Variants in CHCHD6 observed in about 807,000 individuals in gnomAD.
The protein encoded by CHCHD6 is MICOS complex subunit MIC25.
In CHCHD6, 28 loss-of-function variants were observed where a neutral mutation model predicts 32.3. The ratio of observed to expected loss-of-function variants is 0.87; its 90% confidence interval spans 0.64 to 1.19. The LOEUF (loss-of-function observed/expected upper bound fraction) is 1.19. CHCHD6 is among the 50% of genes most tolerant of loss of function. The probability of loss-of-function intolerance (pLI) is 0.00; values close to 1 mark genes in which losing one functional copy is unlikely to be tolerated. For missense variants in CHCHD6, 333 were observed against 307.0 expected (o/e 1.08, Z -0.63); for synonymous variants, 122 against 117.5 (o/e 1.04, Z -0.25).
At chr3:126,724,567 G>A (rs866679380) in intron 1 of CHCHD6, among the ~76,000 whole-genome samples, 1 of 152,188 alleles carries the variant, frequency 6.6e-6, no homozygotes, top group South Asian at 2.1e-4. Context: ...ATGGTGGTTG[G>A]CTGTGGCAGT....
intron 4 of CHCHD6, among the ~76,000 whole-genome samples, chr3:126,735,289 C>T (rs1017326205): frequency 2.0e-5 from 3 of 152,170 alleles, no homozygotes; most frequent in African/African-American, 4.8e-5. Flanking sequence ...GGAGATTGAG[C>T]GCCGCTTTCT....
chr3:126,741,340 G>T (rs1479586064), intron 4 of CHCHD6, among the ~76,000 whole-genome samples: 1 of 119,866 alleles, frequency 8.3e-6, no homozygotes, highest in Non-Finnish European at 1.7e-5. Context: ...ACAAATCAGT[G>T]ATTTTTTTTT....
intron 4 of CHCHD6, among the ~76,000 whole-genome samples, chr3:126,771,125 G>T (rs1029154257): frequency 2.6e-5 from 4 of 151,556 alleles, no homozygotes; most frequent in Admixed American, 2.0e-4. Flanking sequence ...AGAGTTGTTC[G>T]TAGTAGTCTC....
At chr3:126,824,919 G>A (rs555259105) in intron 4 of CHCHD6, among the ~76,000 whole-genome samples, 1 of 152,166 alleles carries the variant, frequency 6.6e-6, no homozygotes, top group South Asian at 2.1e-4. Flanking sequence ...TATTTTCTAT[G>A]TCATTGATTT....
intron 3 of CHCHD6, among the ~76,000 whole-genome samples, chr3:126,731,358 A>G (rs1176535181): frequency 6.6e-6 from 1 of 152,170 alleles, no homozygotes; most frequent in African/African-American, 2.4e-5. Context: ...GAGAAGTTTT[A>G]GCAAAGTGGT....
intron 5 of CHCHD6, among the ~76,000 whole-genome samples, chr3:126,877,502 C>T (rs1175198822): frequency 1.3e-5 from 2 of 151,844 alleles, no homozygotes; most frequent in East Asian, 3.9e-4. Context: ...TTGCAGTGAG[C>T]CGAGATTGTG....
At chr3:126,949,799 TATC>T (rs1208479218) in intron 6 of CHCHD6, 1 of 163,302 alleles carries the variant, frequency 6.1e-6, no homozygotes, top group African/African-American at 2.4e-5. Flanking sequence ...CACACAGAAT[TATC>T]ATGGATGGAA....
chr3:126,839,720 C>CT (rs940205481), intron 4 of CHCHD6, among the ~76,000 whole-genome samples: 6 of 151,890 alleles, frequency 4.0e-5, no homozygotes, highest in African/African-American at 9.7e-5. Context: ...CCACCTCAGG[C>CT]TTTTTTTTCT....
At chr3:126,826,583 G>T (rs1940401652) in intron 4 of CHCHD6, among the ~76,000 whole-genome samples, 1 of 152,070 alleles carries the variant, frequency 6.6e-6, no homozygotes, top group Admixed American at 6.5e-5. Context: ...TTATATAATT[G>T]TGTCCTTGTA....
intron 1 of CHCHD6, among the ~76,000 whole-genome samples, chr3:126,713,246 G>T (rs1934844194): frequency 1.3e-5 from 2 of 152,132 alleles, no homozygotes; most frequent in Non-Finnish European, 2.9e-5. Context: ...AAAAGGAGTT[G>T]CCCGGGGAAA....
At chr3:126,853,958 G>A (rs943250458) in intron 5 of CHCHD6, among the ~76,000 whole-genome samples, 3 of 152,180 alleles carry the variant, frequency 2.0e-5, no homozygotes, top group Non-Finnish European at 4.4e-5. Flanking sequence ...TTTTATTTGT[G>A]CAATTCTTTG....
intron 6 of CHCHD6, among the ~76,000 whole-genome samples, chr3:126,920,535 A>T (rs1304867599): frequency 1.3e-5 from 2 of 151,590 alleles, no homozygotes; most frequent in East Asian, 1.9e-4. Context: ...TGAAAATTCC[A>T]CTCTTTCAGT....
chr3:126,811,017 T>C (rs1939632568), intron 4 of CHCHD6, among the ~76,000 whole-genome samples: 1 of 152,170 alleles, frequency 6.6e-6, no homozygotes, highest in African/African-American at 2.4e-5. Flanking sequence ...GCAGATGGGA[T>C]GTGTCTGTAA....
At chr3:126,841,734 G>A (rs901922350) in intron 4 of CHCHD6, among the ~76,000 whole-genome samples, 2 of 150,778 alleles carry the variant, frequency 1.3e-5, no homozygotes, top group African/African-American at 4.9e-5. Context: ...GGGAGACCCC[G>A]TCTTTCCAAA....
intron 4 of CHCHD6, among the ~76,000 whole-genome samples, chr3:126,802,329 G>A (rs1427713137): frequency 1.3e-5 from 2 of 152,290 alleles, no homozygotes; most frequent in South Asian, 2.1e-4. Flanking sequence ...AAATTTAGAC[G>A]AATGTATAAC....
chr3:126,943,721 T>TTTGCAA (rs2078595572), intron 6 of CHCHD6, among the ~76,000 whole-genome samples: 1 of 152,118 alleles, frequency 6.6e-6, no homozygotes, highest in Non-Finnish European at 1.5e-5. Context: ...AGAGCTCTTC[T>TTTGCAA]TTGCAATACT....
intron 4 of CHCHD6, among the ~76,000 whole-genome samples, chr3:126,824,357 T>C (rs1032352334): frequency 3.3e-5 from 5 of 150,640 alleles, no homozygotes; most frequent in Non-Finnish European, 5.9e-5. Flanking sequence ...AAGTCGGGAG[T>C]TCGAGACCAG....
At chr3:126,866,337 G>A (rs1044033834) in intron 5 of CHCHD6, among the ~76,000 whole-genome samples, 2 of 152,226 alleles carry the variant, frequency 1.3e-5, no homozygotes, top group Admixed American at 6.5e-5. Context: ...CAGTGACCCA[G>A]TGAGCTGGGT....
chr3:126,909,060 C>T (rs769224211), intron 5 of CHCHD6, among the ~76,000 whole-genome samples: 4 of 152,210 alleles, frequency 2.6e-5, no homozygotes, highest in Non-Finnish European at 4.4e-5. Flanking sequence ...CATAAATCCT[C>T]AAGTGCCGTG....
Sources: gnomAD v4.1 joint callset for allele counts (sites outside exome capture counted in the v4.1 genomes callset) on GRCh38, gnomAD v4.1.1 for gene constraint, MANE v1.5 for transcripts, NCBI Gene and HGNC (gene_info 2026-07-23, HGNC 2026-07-21) for gene names.